WWC1: variants seen among roughly 807,000 people sequenced by gnomAD.
WWC1 encodes the protein WW and C2 domain containing 1.
WWC1 carries 55 observed loss-of-function variants against 138.4 expected under a neutral mutation model. The ratio of observed to expected loss-of-function variants is 0.40; its 90% CI spans 0.32 to 0.50. WWC1 has a LOEUF of 0.50. WWC1 is among the 20% of genes least tolerant of loss of function. The pLI, the probability that WWC1 is intolerant of heterozygous loss-of-function variation, is 0.72. For synonymous variants in WWC1, 524 were observed against 564.9 expected (o/e 0.93, Z 1.03); for missense variants, 1,226 against 1,420.4 (o/e 0.86, Z 2.20).
At chr5:168,362,758 T>G (rs910384030) in intron 1 of WWC1, among the ~76,000 whole-genome samples, 1 of 151,380 alleles carries the variant, frequency 6.6e-6, no homozygotes, top group Non-Finnish European at 1.5e-5. Flanking sequence ...AAGATGGAGG[T>G]GAAGGAAGGG....
chr5:168,435,465 C>T (rs1025564965), intron 15 of WWC1, among the ~76,000 whole-genome samples: 1 of 152,230 alleles, frequency 6.6e-6, no homozygotes, highest in East Asian at 1.9e-4. Flanking sequence ...GGCTGGAGTG[C>T]AGTGCTGTGA....
intron 1 of WWC1, among the ~76,000 whole-genome samples, chr5:168,357,607 G>T (rs1162969278): frequency 2.0e-5 from 3 of 152,042 alleles, no homozygotes; most frequent in Non-Finnish European, 4.4e-5. Flanking sequence ...ATGCCCAGAA[G>T]TCATCCTCGC....
At chr5:168,433,175 G>A (rs1782082434) in intron 15 of WWC1, among the ~76,000 whole-genome samples, 1 of 152,220 alleles carries the variant, frequency 6.6e-6, no homozygotes, top group Admixed American at 6.5e-5. Context: ...GTGGTTCTCT[G>A]AAGACTAACT....
chr5:168,451,940 C>T (rs535450505), intron 17 of WWC1, among the ~76,000 whole-genome samples: 2 of 128,342 alleles, frequency 1.6e-5, no homozygotes, highest in Non-Finnish European at 1.6e-5. Flanking sequence ...GAGTCTCAGT[C>T]TGTCACCCAG....
chr5:168,431,221 C>T (rs1561756140), intron 14 of WWC1, 31 bp from the exon 15 acceptor site: 1 of 1,584,352 alleles, frequency 6.3e-7, no homozygotes, highest in Non-Finnish European at 8.6e-7. Flanking sequence ...TGGGCTGACC[C>T]AAGATTTCCT....
chr5:168,304,175 G>C (rs1335623966), intron 1 of WWC1, among the ~76,000 whole-genome samples: 1 of 152,122 alleles, frequency 6.6e-6, no homozygotes, highest in East Asian at 1.9e-4. Context: ...TAATATATTT[G>C]ATAACTTTCT....
At chr5:168,433,216 C>G (rs1782087555) in intron 15 of WWC1, among the ~76,000 whole-genome samples, 1 of 152,254 alleles carries the variant, frequency 6.6e-6, no homozygotes, top group East Asian at 1.9e-4. Flanking sequence ...CAAACTGTGC[C>G]ATGCACACAA....
chr5:168,338,482 GC>G (rs967122091), intron 1 of WWC1, among the ~76,000 whole-genome samples: 12 of 149,724 alleles, frequency 8.0e-5, no homozygotes, highest in Admixed American at 4.0e-4. Context: ...CGCCATCTCA[GC>G]TCACTGCAAC....
chr5:168,392,324 A>G (rs1440985126), intron 3 of WWC1, among the ~76,000 whole-genome samples: 1 of 152,150 alleles, frequency 6.6e-6, no homozygotes. Flanking sequence ...TGACCAGGGA[A>G]GAGATATAAA....
At chr5:168,423,215 T>C (rs928755223) in intron 10 of WWC1, among the ~76,000 whole-genome samples, 3 of 150,658 alleles carry the variant, frequency 2.0e-5, no homozygotes, top group African/African-American at 7.3e-5. Flanking sequence ...AAATCTTTAT[T>C]ACATAATGGA....
intron 1 of WWC1, among the ~76,000 whole-genome samples, chr5:168,357,840 C>G (rs188415915): frequency 5.6e-4 from 85 of 152,254 alleles, no homozygotes; most frequent in African/African-American, 2.0e-3. Flanking sequence ...ACCCATAAAG[C>G]AAGTCATACT....
chr5:168,375,391 G>A (rs1777085262), intron 2 of WWC1, among the ~76,000 whole-genome samples: 1 of 152,012 alleles, frequency 6.6e-6, no homozygotes, highest in African/African-American at 2.4e-5. Flanking sequence ...CTTCTGACAG[G>A]GCAAATACAA....
intron 2 of WWC1, among the ~76,000 whole-genome samples, chr5:168,381,796 T>C (rs1237715792): frequency 1.4e-5 from 2 of 145,838 alleles, no homozygotes; most frequent in Non-Finnish European, 3.0e-5. Flanking sequence ...AATTCTAATA[T>C]GCAGCAAAGA....
At chr5:168,296,440 G>A (rs1227836136) in intron 1 of WWC1, among the ~76,000 whole-genome samples, 1 of 152,120 alleles carries the variant, frequency 6.6e-6, no homozygotes, top group Non-Finnish European at 1.5e-5. Context: ...CTAAACCTCT[G>A]TCAGGTCACA....
chr5:168,291,746 A>G lies in WWC1; in HGVS notation c.-407A>G. 6.5e-6 allele frequency: 1 copy of G among 153,086 alleles called. No homozygotes were observed. The highest frequency in any genetic ancestry group is 1.5e-5 in the Non-Finnish European group (1 of 68,262). 9.5% of individuals were successfully genotyped at this position (153,086 alleles called of 1,614,324 possible). A position where few individuals can be genotyped will look rare whatever the true frequency, so the allele number is the denominator to read the frequency against. On this transcript the variant is annotated 5_prime_UTR_variant, in exon 1 of 23. Transcript: ENST00000265293. ...CAGAGCGGTGGAGCGGAGAGGAGGGACGGCACCCGGCTGCAGGGAGGAGGG... is the reference window on the plus strand; with the variant it reads ...CAGAGCGGTGGAGCGGAGAGGAGGGGCGGCACCCGGCTGCAGGGAGGAGGG...
intron 1 of WWC1, among the ~76,000 whole-genome samples, chr5:168,365,196 G>A (rs1776190179): frequency 6.6e-6 from 1 of 152,204 alleles, no homozygotes; most frequent in Non-Finnish European, 1.5e-5. Flanking sequence ...CCTTAGCTAT[G>A]GGAACTATGC....
chr5:168,386,026 C>A (rs978352361), intron 3 of WWC1, among the ~76,000 whole-genome samples: 11 of 152,044 alleles, frequency 7.2e-5, no homozygotes, highest in East Asian at 5.8e-4. Flanking sequence ...GTTTCCCTAC[C>A]CCACCCTGTA....
At chr5:168,405,066 G>A (rs1024578277) in intron 5 of WWC1, among the ~76,000 whole-genome samples, 1 of 152,096 alleles carries the variant, frequency 6.6e-6, no homozygotes, top group Non-Finnish European at 1.5e-5. Flanking sequence ...ACAACTTCAT[G>A]AGTATGGGCT....
chr5:168,371,301 G>A (rs1776734890), intron 1 of WWC1, 123 bp from the exon 2 acceptor site: 1 of 648,790 alleles, frequency 1.5e-6, no homozygotes, highest in Non-Finnish European at 2.8e-6. Flanking sequence ...TGGTGCTGCT[G>A]TGGTGTAAAA....
Sources: gnomAD v4.1 joint callset for allele counts (sites outside exome capture counted in the v4.1 genomes callset) on GRCh38, gnomAD v4.1.1 for gene constraint, MANE v1.5 for transcripts, NCBI Gene and HGNC (gene_info 2026-07-23, HGNC 2026-07-21) for gene names.